The following PHB1 variants were observed in gnomAD, a reference collection of about 807,000 sequenced individuals.
PHB1 encodes the protein epididymis luminal protein 215.
chr17:49,409,822 C>T, the PHB1 span, among the ~76,000 whole-genome samples: 42 of 152,000 alleles, frequency 2.8e-4, no homozygotes, highest in South Asian at 7.9e-3. Context: ...AGGTGTGAGC[C>T]ACCGCACCTG....
the PHB1 span, chr17:49,409,454 G>A: frequency 6.4e-7 from 1 of 1,553,656 alleles, no homozygotes. Flanking sequence ...TGCGCAGTGT[G>A]ATGTTGACAT....
At chr17:49,409,394 G>A in the PHB1 span, 10 of 1,613,906 alleles carry the variant, frequency 6.2e-6, no homozygotes, top group African/African-American at 1.3e-5. Context: ...AGTCCTCTCC[G>A]ATGCTGGTGA....
At chr17:49,413,110 T>C in the PHB1 span, 3 of 1,147,870 alleles carry the variant, frequency 2.6e-6, no homozygotes, top group East Asian at 2.4e-5. Context: ...GAGTGTCACA[T>C]GGGCTATGCA....
chr17:49,413,314 C>A, the PHB1 span: 24 of 1,362,682 alleles, frequency 1.8e-5, no homozygotes, highest in Non-Finnish European at 2.1e-5. Context: ...AAACAAAATA[C>A]AATCAAACTT....
the PHB1 span, among the ~76,000 whole-genome samples, chr17:49,410,739 T>C: frequency 6.6e-6 from 1 of 152,220 alleles, no homozygotes; most frequent in Non-Finnish European, 1.5e-5. Flanking sequence ...AACCTGAGCT[T>C]ATTTCCCTGT....
chr17:49,409,021 C>T, the PHB1 span: 5 of 1,475,858 alleles, frequency 3.4e-6, no homozygotes, highest in African/African-American at 4.2e-5. Context: ...TTCCCCTCCT[C>T]GGTCTCCCGA....
At chr17:49,411,708 G>A in the PHB1 span, 5 of 1,613,974 alleles carry the variant, frequency 3.1e-6, no homozygotes, top group African/African-American at 1.3e-5. Context: ...GGCACATTAC[G>A]TGGTCGAGAA....
At chr17:49,406,650 CG>C in the PHB1 span, 1 of 802,748 alleles carries the variant, frequency 1.2e-6, no homozygotes, top group East Asian at 2.5e-5. Context: ...CTGATTATCC[CG>C]GAAGAAGGGA....
chr17:49,409,726 G>A, the PHB1 span, among the ~76,000 whole-genome samples: 856 of 151,936 alleles, frequency 5.6e-3, 3 homozygotes, highest in Non-Finnish European at 9.2e-3. Context: ...TTTTAGTAGA[G>A]ACAGGGTGTC....
chr17:49,411,654 A>C, the PHB1 span: 10 of 1,608,074 alleles, frequency 6.2e-6, no homozygotes, highest in Non-Finnish European at 8.5e-6. Context: ...TCCCTACTTT[A>C]CCTGAACCAT....
the PHB1 span, chr17:49,404,134 A>G: frequency 1.3e-5 from 2 of 152,670 alleles, no homozygotes; most frequent in Non-Finnish European, 2.9e-5. Context: ...AGAGCCCGTG[A>G]GAAGGGCAGT....
the PHB1 span, chr17:49,407,167 C>A: frequency 1.6e-4 from 48 of 301,740 alleles, no homozygotes; most frequent in African/African-American, 8.4e-4. Context: ...CGACCACCTC[C>A]CCAGAGGAGG....
chr17:49,408,530 C>G, the PHB1 span, among the ~76,000 whole-genome samples: 9 of 152,216 alleles, frequency 5.9e-5, no homozygotes, highest in Non-Finnish European at 1.3e-4. Context: ...CAGAGATGTC[C>G]CTTGCCCCCT....
chr17:49,410,882 A>G, the PHB1 span, among the ~76,000 whole-genome samples: 1 of 152,224 alleles, frequency 6.6e-6, no homozygotes, highest in Non-Finnish European at 1.5e-5. Context: ...GACTGATCCT[A>G]TGTTCTGCTT....
At chr17:49,405,156 T>C in the PHB1 span, 3 of 1,614,124 alleles carry the variant, frequency 1.9e-6, no homozygotes, top group Admixed American at 1.7e-5. Flanking sequence ...TCAGCTGCCT[T>C]GGAGTCGCCC....
the PHB1 span, chr17:49,406,722 G>GGA: frequency 7.0e-7 from 1 of 1,427,422 alleles, no homozygotes; most frequent in East Asian, 2.3e-5. Context: ...CGGAGAAAGG[G>GGA]GAGAGAGAGG....
chr17:49,404,986 G>A, the PHB1 span: 18 of 1,547,082 alleles, frequency 1.2e-5, no homozygotes, highest in Non-Finnish European at 1.5e-5. Flanking sequence ...CAGGCAGGGT[G>A]GGCCCTCACT....
At chr17:49,405,298 G>A in the PHB1 span, 1 of 1,031,390 alleles carries the variant, frequency 9.7e-7, no homozygotes, top group African/African-American at 1.6e-5. Context: ...CACCTTCCCA[G>A]GCTCCTGAAG....
chr17:49,407,765 T>A, the PHB1 span, among the ~76,000 whole-genome samples: 1 of 152,216 alleles, frequency 6.6e-6, no homozygotes. Context: ...GAAGAGTAAA[T>A]CCTGGTCTCA....
Sources: allele counts gnomAD v4.1 joint callset (sites outside exome capture counted in the v4.1 genomes callset), GRCh38; gene constraint gnomAD v4.1.1; transcripts MANE v1.5; gene names NCBI Gene and HGNC (gene_info 2026-07-23, HGNC 2026-07-21).